Variants in CHSY3 observed in about 807,000 individuals in gnomAD.
CHSY3 encodes chondroitin sulfate synthase 3.
In CHSY3, 35 loss-of-function variants were observed where a neutral mutation model predicts 67.2. The observed-to-expected ratio is 0.52, with a 90% CI of 0.40 to 0.69. CHSY3 has a LOEUF of 0.69. Ranked by LOEUF, CHSY3 falls within the 30% of genes least tolerant of loss-of-function variation. The probability of loss-of-function intolerance (pLI) is 0.00; values close to 1 mark genes in which losing one functional copy is unlikely to be tolerated. For missense variants in CHSY3, 1,069 were observed against 1,138.5 expected, an observed-to-expected ratio of 0.94 and a Z score of 0.88; for synonymous variants, 474 against 434.7, an observed-to-expected ratio of 1.09 and a Z score of -1.12.
At chr5:129,933,948 A>ATTTCAGTGTTGGTTTCAAGT (rs1761406340) in intron 2 of CHSY3, among the ~76,000 whole-genome samples, 1 of 152,104 alleles carries the variant, frequency 6.6e-6, no homozygotes, top group African/African-American at 2.4e-5. Flanking sequence ...GACACTTAAA[A>ATTTCAGTGTTGGTTTCAAGT]TTTCAGTGTT....
chr5:129,932,128 A>ATATT (rs1561461158), intron 2 of CHSY3, among the ~76,000 whole-genome samples: 1 of 131,550 alleles, frequency 7.6e-6, no homozygotes, highest in African/African-American at 2.8e-5. Context: ...ATATATATAT[A>ATATT]TATATATATA....
chr5:130,031,840 T>A (rs1027943676), intron 2 of CHSY3, among the ~76,000 whole-genome samples: 9 of 152,142 alleles, frequency 5.9e-5, no homozygotes, highest in African/African-American at 1.4e-4. Context: ...AAAAATCTAT[T>A]TTCAGTTTTA....
At chr5:129,909,506 T>C (rs1760456640) in intron 2 of CHSY3, among the ~76,000 whole-genome samples, 1 of 152,190 alleles carries the variant, frequency 6.6e-6, no homozygotes, top group Admixed American at 6.5e-5. Context: ...TTTGGGGACA[T>C]ATTTTATACA....
chr5:129,962,453 C>A (rs1047293837), intron 2 of CHSY3, among the ~76,000 whole-genome samples: 12 of 152,012 alleles, frequency 7.9e-5, no homozygotes, highest in African/African-American at 2.9e-4. Flanking sequence ...GCACAAACTT[C>A]CTAATGCATC....
At chr5:129,905,717 C>G (rs549568193) in intron 1 of CHSY3, 86 bp downstream of exon 1, 2 of 1,541,034 alleles carry the variant, frequency 1.3e-6, no homozygotes, top group East Asian at 2.3e-5. Context: ...CCAGCCCCTC[C>G]GCTGCTTCTC....
intron 2 of CHSY3, among the ~76,000 whole-genome samples, chr5:130,036,754 T>C (rs983579348): frequency 1.3e-5 from 2 of 152,160 alleles, no homozygotes; most frequent in African/African-American, 2.4e-5. Context: ...AATGTGGTTT[T>C]ACTTTGTCCC....
intron 2 of CHSY3, among the ~76,000 whole-genome samples, chr5:130,130,605 A>G (rs1768450508): frequency 6.6e-6 from 1 of 152,152 alleles, no homozygotes; most frequent in Admixed American, 6.5e-5. Flanking sequence ...GTTGATGTTC[A>G]CTGTCAGCAT....
chr5:130,125,127 A>G (rs1047000059), intron 2 of CHSY3, among the ~76,000 whole-genome samples: 2 of 152,128 alleles, frequency 1.3e-5, no homozygotes, highest in African/African-American at 4.8e-5. Context: ...TGCAAGTTGA[A>G]TCTCACAGGA....
intron 2 of CHSY3, among the ~76,000 whole-genome samples, chr5:129,929,691 C>G (rs1761235333): frequency 6.6e-6 from 1 of 151,976 alleles, no homozygotes; most frequent in Non-Finnish European, 1.5e-5. Flanking sequence ...TGTTGAAATC[C>G]TTATTGCTCC....
At chr5:130,033,494 A>G (rs1407284452) in intron 2 of CHSY3, among the ~76,000 whole-genome samples, 2 of 152,212 alleles carry the variant, frequency 1.3e-5, no homozygotes, top group Non-Finnish European at 2.9e-5. Flanking sequence ...CTTGTGATAA[A>G]TGAATATCAT....
chr5:130,061,592 G>GA (rs1275869859), intron 2 of CHSY3, among the ~76,000 whole-genome samples: 1 of 152,040 alleles, frequency 6.6e-6, no homozygotes, highest in Non-Finnish European at 1.5e-5. Flanking sequence ...CACAGCAAAA[G>GA]AAATAATCAA....
At chr5:130,044,814 C>A (rs1361190126) in intron 2 of CHSY3, among the ~76,000 whole-genome samples, 1 of 151,918 alleles carries the variant, frequency 6.6e-6, no homozygotes, top group Non-Finnish European at 1.5e-5. Flanking sequence ...AATCAGATGT[C>A]GGCATATTGG....
rs551537045 is a variant in CHSY3, at chr5:129,955,530, T to TTA, written c.1086+47179_1086+47180dup. On this transcript the variant is annotated intron_variant, in intron 2 of 2. Transcript: ENST00000305031. ...TATCTTAAGATATATGTATTTATTA[T>TTA]TATATATATACATATAATCTTCAAA... Among the ~76,000 whole-genome samples the TTA allele has an allele frequency of 4.1e-3, 621 of 151,088 alleles. 4 individuals carry two copies. The highest frequency in any genetic ancestry group is 0.014 in the African/African-American group (587 of 41,308).
In CHSY3 at chr5:130,004,862, A is replaced by G. The variant is rs1763827896; in HGVS notation, c.1086+96502A>G. Among the ~76,000 whole-genome samples, 4 of 152,134 alleles carry G rather than the reference A, an allele frequency of 2.6e-5. No individual in the cohort carries two copies. The South Asian group carries it at 8.3e-4, about 31-fold the overall frequency. ...TTTATTTTTCTTCTCACCAAATATGATTATAATCTCAATATTATTTTGGAT... is the reference window on the plus strand; with the variant it reads ...TTTATTTTTCTTCTCACCAAATATGGTTATAATCTCAATATTATTTTGGAT... On this transcript the variant is annotated intron_variant, in intron 2 of 2. Coordinates refer to ENST00000305031, the MANE Select transcript of CHSY3 (RefSeq NM_175856.5).
chr5:130,075,849 A>C (rs980840755), intron 2 of CHSY3, among the ~76,000 whole-genome samples: 1 of 152,138 alleles, frequency 6.6e-6, no homozygotes, highest in African/African-American at 2.4e-5. Context: ...CTATCCCAGT[A>C]CCTCAAATTC....
At chr5:130,008,643 T>C (rs1050368221) in intron 2 of CHSY3, among the ~76,000 whole-genome samples, 1 of 152,104 alleles carries the variant, frequency 6.6e-6, no homozygotes, top group African/African-American at 2.4e-5. Flanking sequence ...ATGACAGATA[T>C]AGAATTCAGA....
intron 2 of CHSY3, among the ~76,000 whole-genome samples, chr5:129,929,382 C>A (rs1193083269): frequency 6.6e-6 from 1 of 152,122 alleles, no homozygotes; most frequent in East Asian, 1.9e-4. Context: ...TGCCTCAGGG[C>A]AAGAATAAAA....
intron 2 of CHSY3, among the ~76,000 whole-genome samples, chr5:129,963,484 G>T (rs1762390917): frequency 6.6e-6 from 1 of 151,932 alleles, no homozygotes. Flanking sequence ...TTCTGGTCAC[G>T]GTGTGTACTA....
At chr5:130,095,742 T>G (rs1285155678) in intron 2 of CHSY3, among the ~76,000 whole-genome samples, 1 of 152,196 alleles carries the variant, frequency 6.6e-6, no homozygotes, top group African/African-American at 2.4e-5. Flanking sequence ...AACAGGATAT[T>G]TGCATAGTCT....
Sources: gnomAD v4.1 joint callset for allele counts (sites outside exome capture counted in the v4.1 genomes callset) on GRCh38, gnomAD v4.1.1 for gene constraint, MANE v1.5 for transcripts, NCBI Gene and HGNC (gene_info 2026-07-23, HGNC 2026-07-21) for gene names.